Variants in TARS3 observed in about 807,000 individuals in gnomAD.
The protein encoded by TARS3 is threonyl-tRNA synthetase 3.
TARS3 carries 94 observed loss-of-function variants against 103.5 expected under a neutral mutation model. The observed-to-expected ratio is 0.91, with a 90% CI of 0.77 to 1.08. The LOEUF (loss-of-function observed/expected upper bound fraction) is 1.08, where lower values mean the gene tolerates loss of function less well. Ranked by LOEUF, TARS3 falls within the 50% of genes least tolerant of loss-of-function variation. The pLI, the probability that TARS3 is intolerant of heterozygous loss-of-function variation, is 0.00. For synonymous variants in TARS3, 416 were observed against 355.4 expected (o/e 1.17, Z -1.92); for missense variants, 952 against 995.2 (o/e 0.96, Z 0.58).
At chr15:101,686,970 A>T (rs925865366) in intron 10 of TARS3, among the ~76,000 whole-genome samples, 1 of 152,076 alleles carries the variant, frequency 6.6e-6, no homozygotes, top group Admixed American at 6.6e-5. Flanking sequence ...TTTTAAGATT[A>T]CTAACAATGG....
At chr15:101,722,581 C>A (rs1285873974) in intron 2 of TARS3, among the ~76,000 whole-genome samples, 1 of 129,244 alleles carries the variant, frequency 7.7e-6, no homozygotes, top group Non-Finnish European at 1.6e-5. Context: ...CCAAGGTGGG[C>A]GGATCATGAG....
intron 17 of TARS3, 54 bp downstream of exon 17, chr15:101,657,731 C>A (rs976345780): frequency 8.1e-7 from 1 of 1,229,188 alleles, no homozygotes. Context: ...AAATCGATGA[C>A]CTACACAGAA....
Position 101,654,462 on chromosome 15 carries a change from C to CT in TARS3, c.*119dup. The CT allele has an allele frequency of 9.7e-7, 1 of 1,032,468 alleles. No individual in the cohort carries two copies. 64.0% of individuals were successfully genotyped at this position (1,032,468 alleles called of 1,614,324 possible). On this transcript the variant is annotated 3_prime_UTR_variant, in exon 19 of 19. Coordinates refer to ENST00000335968, the MANE Select transcript of TARS3 (RefSeq NM_152334.3). Reference sequence around the variant, plus strand: ...ACACGTTCATCGTCTCCTTTCTCAGCTGAGGCCATGAGTGGACCCATCAGT... The same window carrying CT: ...ACACGTTCATCGTCTCCTTTCTCAGCTTGAGGCCATGAGTGGACCCATCAGT...
At position 101,722,978 on chromosome 15, in the gene TARS3, G is replaced by T; in HGVS notation, c.369+115C>A. On this transcript the variant is annotated intron_variant, in intron 2 of 18. Coordinates refer to ENST00000335968, the MANE Select transcript of TARS3 (RefSeq NM_152334.3). ...TGAAAAGTTTTAAATACACTAATGT[G>T]ACCCAAATAATAATTTAATCAGTAA... 3 of 998,964 alleles carry T rather than the reference G, an allele frequency of 3.0e-6. No individual in the cohort carries two copies. The South Asian group carries it at 4.3e-5, about 14-fold the overall frequency. The allele number at this position is 998,964 out of a possible 1,614,324, so 61.9% of individuals were successfully genotyped here.
At chr15:101,672,455 C>T (rs921824165) in intron 13 of TARS3, among the ~76,000 whole-genome samples, 42 of 152,222 alleles carry the variant, frequency 2.8e-4, no homozygotes, top group African/African-American at 9.6e-4. Context: ...GCCAAAAGTA[C>T]TGCCAAAACA....
intron 18 of TARS3, 141 bp from the exon 19 acceptor site, chr15:101,654,871 G>T (rs1897140083): frequency 3.7e-6 from 3 of 806,354 alleles, no homozygotes; most frequent in Non-Finnish European, 5.9e-6. Context: ...TTCATCCTCT[G>T]ATAGTTAAGT....
At chr15:101,687,930 A>G (rs946639421) in intron 10 of TARS3, among the ~76,000 whole-genome samples, 1 of 152,120 alleles carries the variant, frequency 6.6e-6, no homozygotes, top group Admixed American at 6.5e-5. Context: ...GAACCCAACC[A>G]TGCTGGGACC....
At chr15:101,708,659 C>T in intron 6 of TARS3, 134 bp downstream of exon 6, 2 of 676,444 alleles carry the variant, frequency 3.0e-6, no homozygotes, top group Admixed American at 4.9e-5. Context: ...TAACTGGTAA[C>T]AACCTCACAG....
chr15:101,718,931 A>G (rs773693973), intron 3 of TARS3, among the ~76,000 whole-genome samples: 13 of 152,240 alleles, frequency 8.5e-5, no homozygotes, highest in Non-Finnish European at 1.6e-4. Flanking sequence ...TCAGGCCCCA[A>G]ATGTGCACCA....
At chr15:101,691,112 T>C (rs1258872145) in intron 10 of TARS3, among the ~76,000 whole-genome samples, 1 of 151,304 alleles carries the variant, frequency 6.6e-6, no homozygotes, top group African/African-American at 2.4e-5. Context: ...CTAATTTTTT[T>C]GCATTTTTAG....
intron 12 of TARS3, among the ~76,000 whole-genome samples, chr15:101,679,449 GTTC>G (rs953348279): frequency 3.3e-5 from 5 of 151,986 alleles, no homozygotes; most frequent in African/African-American, 9.7e-5. Flanking sequence ...TTTCCATTTG[GTTC>G]TTCTTTATAT....
At chr15:101,665,641 T>C (rs549884245) in intron 15 of TARS3, among the ~76,000 whole-genome samples, 8 of 152,316 alleles carry the variant, frequency 5.3e-5, no homozygotes, top group African/African-American at 1.9e-4. Flanking sequence ...ATGTTTATTT[T>C]ACAAACATGA....
chr15:101,707,970 G>A (rs563244645), intron 6 of TARS3, among the ~76,000 whole-genome samples: 4 of 152,218 alleles, frequency 2.6e-5, no homozygotes, highest in South Asian at 4.1e-4. Flanking sequence ...TTGGTTGGGC[G>A]TGGTGGCTCA....
chr15:101,695,112 C>A (rs761854538), intron 10 of TARS3, among the ~76,000 whole-genome samples: 21 of 152,034 alleles, frequency 1.4e-4, no homozygotes, highest in Non-Finnish European at 2.9e-4. Context: ...CACAAAATGG[C>A]TTGAGGTAAA....
chr15:101,656,397 G>A (rs545818409), intron 18 of TARS3, among the ~76,000 whole-genome samples: 1 of 152,322 alleles, frequency 6.6e-6, no homozygotes, highest in South Asian at 2.1e-4. Flanking sequence ...TTATATCAGT[G>A]TTAGTTTCTC....
intron 10 of TARS3, among the ~76,000 whole-genome samples, chr15:101,688,250 T>A (rs373059990): frequency 6.6e-6 from 1 of 152,154 alleles, no homozygotes; most frequent in Non-Finnish European, 1.5e-5. Context: ...GAAATATGGA[T>A]GTTCATTGCA....
rs561311252 is a variant in TARS3, at chr15:101,694,741, T to C, written c.1320+6345A>G. 4.9e-4 allele frequency among the ~76,000 whole-genome samples: 75 copies of C among 152,380 alleles called. 3 individuals are homozygous for C. The highest frequency in any genetic ancestry group is 1.5e-4 in the Non-Finnish European group (10 of 68,044). ...CATGCAAACACTAATGTAAGAAAGC[T>C]AGCTTGCCTATGTCAACACCAAAGG... On this transcript the variant is annotated intron_variant, in intron 10 of 18. Transcript: ENST00000335968.
At chr15:101,702,134 G>T in intron 9 of TARS3, 105 bp downstream of exon 9, 1 of 1,393,152 alleles carries the variant, frequency 7.2e-7, no homozygotes, top group Non-Finnish European at 9.9e-7. Flanking sequence ...AAATAGGAGA[G>T]AAGAAGAAGA....
Position 101,702,201 on chromosome 15 carries a change from TATG to T in TARS3, c.1221+35_1221+37del, listed in dbSNP as rs989648995. 3 of 1,605,710 alleles carry T rather than the reference TATG, an allele frequency of 1.9e-6. No homozygotes were observed. In the African/African-American group the frequency reaches 4.0e-5, roughly 21 times the overall value. On this transcript the variant is annotated intron_variant, in intron 9 of 18. Coordinates refer to ENST00000335968, the MANE Select transcript of TARS3 (RefSeq NM_152334.3). ...AGACAGAAACATTCCTATGTTGGCTTATGATTACATCTCCAGTGATTAAGATGT... is the reference window on the plus strand; with the variant it reads ...AGACAGAAACATTCCTATGTTGGCTTATTACATCTCCAGTGATTAAGATGT...
Sources: gnomAD v4.1 joint callset for allele counts (sites outside exome capture counted in the v4.1 genomes callset) on GRCh38, gnomAD v4.1.1 for gene constraint, MANE v1.5 for transcripts, NCBI Gene and HGNC (gene_info 2026-07-23, HGNC 2026-07-21) for gene names.